CSMD1: variants seen among roughly 807,000 people sequenced by gnomAD.
CSMD1 encodes CUB and sushi domain-containing protein 1.
In CSMD1, 213 loss-of-function variants were observed where a neutral mutation model predicts 417.5. The ratio of observed to expected loss-of-function variants is 0.51; its 90% CI spans 0.46 to 0.57. The LOEUF is 0.57. CSMD1 is among the 20% of genes least tolerant of loss of function. CSMD1 has a pLI of 0.00. For missense variants in CSMD1, 6,923 were observed against 4,529.7 expected, an observed-to-expected ratio of 1.53 and a Z score of -15.17; for synonymous variants, 2,862 against 1,736.8, an observed-to-expected ratio of 1.65 and a Z score of -16.11.
At chr8:4,306,858 A>C (rs1399221212) in intron 3 of CSMD1, among the ~76,000 whole-genome samples, 2 of 151,344 alleles carry the variant, frequency 1.3e-5, no homozygotes, top group African/African-American at 2.4e-5. Context: ...ATAATTTTTC[A>C]ATCTCTTTTT....
At chr8:3,353,815 T>C (rs1808568319) in intron 21 of CSMD1, among the ~76,000 whole-genome samples, 1 of 152,204 alleles carries the variant, frequency 6.6e-6, no homozygotes, top group Non-Finnish European at 1.5e-5. Context: ...GCTACTGAAA[T>C]GTTAACTATA....
At chr8:3,725,021 T>C (rs1260487659) in intron 6 of CSMD1, among the ~76,000 whole-genome samples, 2 of 152,216 alleles carry the variant, frequency 1.3e-5, no homozygotes, top group Admixed American at 6.5e-5. Flanking sequence ...AACGTTATTC[T>C]GGGAAGAGGC....
At chr8:3,093,057 A>C (rs777628766) in intron 47 of CSMD1, among the ~76,000 whole-genome samples, 32 of 152,144 alleles carry the variant, frequency 2.1e-4, no homozygotes, top group Non-Finnish European at 4.0e-4. Flanking sequence ...TTCAAGTAAG[A>C]CTGTTATAGA....
intron 3 of CSMD1, among the ~76,000 whole-genome samples, chr8:4,412,866 G>C (rs1796725041): frequency 1.3e-5 from 2 of 152,068 alleles, no homozygotes; most frequent in South Asian, 4.1e-4. Flanking sequence ...CTCAAACAAG[G>C]AATTCAGAAC....
At chr8:3,556,244 GT>G (rs1230100939) in intron 10 of CSMD1, among the ~76,000 whole-genome samples, 1 of 151,306 alleles carries the variant, frequency 6.6e-6, no homozygotes, top group East Asian at 2.0e-4. Context: ...TCCTTTCCAT[GT>G]TTTTTGGTAC....
At chr8:4,131,214 C>G (rs913276050) in intron 3 of CSMD1, among the ~76,000 whole-genome samples, 1 of 152,164 alleles carries the variant, frequency 6.6e-6, no homozygotes, top group Non-Finnish European at 1.5e-5. Context: ...GACGCCATTT[C>G]TATAAGTATA....
chr8:4,454,972 G>T (rs779944226), intron 2 of CSMD1, among the ~76,000 whole-genome samples: 37 of 152,220 alleles, frequency 2.4e-4, no homozygotes, highest in Non-Finnish European at 4.3e-4. Context: ...CATGGACCTG[G>T]GATGGCAGAG....
intron 2 of CSMD1, among the ~76,000 whole-genome samples, chr8:4,457,267 C>T (rs1799545171): frequency 6.6e-6 from 1 of 152,098 alleles, no homozygotes; most frequent in African/African-American, 2.4e-5. Context: ...GTTTGCCCAT[C>T]TTACTTACAT....
chr8:4,834,288 G>A (rs529275650), intron 1 of CSMD1, among the ~76,000 whole-genome samples: 16 of 152,284 alleles, frequency 1.1e-4, no homozygotes, highest in Middle Eastern at 3.4e-3. Flanking sequence ...AATCATTTAT[G>A]TGCTACACGT....
At chr8:3,729,232 T>G (rs1309331358) in intron 6 of CSMD1, among the ~76,000 whole-genome samples, 1 of 152,174 alleles carries the variant, frequency 6.6e-6, no homozygotes, top group African/African-American at 2.4e-5. Flanking sequence ...AGGCACACTC[T>G]TCCCTGCCTT....
At chr8:4,940,814 G>A (rs141143379) in intron 1 of CSMD1, among the ~76,000 whole-genome samples, 20 of 152,294 alleles carry the variant, frequency 1.3e-4, no homozygotes, top group African/African-American at 3.4e-4. Flanking sequence ...TCTGTACCAT[G>A]TGTCAGCTTG....
At chr8:4,393,951 T>C (rs1223800415) in intron 3 of CSMD1, among the ~76,000 whole-genome samples, 1 of 152,228 alleles carries the variant, frequency 6.6e-6, no homozygotes, top group Non-Finnish European at 1.5e-5. Flanking sequence ...GTGTTTCAGG[T>C]ATTAACGCAG....
At chr8:4,392,985 CAAAA>C (rs1192700337) in intron 3 of CSMD1, among the ~76,000 whole-genome samples, 1 of 151,526 alleles carries the variant, frequency 6.6e-6, no homozygotes, top group African/African-American at 2.4e-5. Flanking sequence ...AAAAAACAAA[CAAAA>C]AAGAGAGATG....
chr8:4,130,116 A>T (rs1418090307), intron 3 of CSMD1, among the ~76,000 whole-genome samples: 1 of 152,108 alleles, frequency 6.6e-6, no homozygotes, highest in Non-Finnish European at 1.5e-5. Context: ...ATCACCATGG[A>T]GTCACTGTCA....
intron 3 of CSMD1, among the ~76,000 whole-genome samples, chr8:4,295,164 T>C (rs1434525712): frequency 1.4e-5 from 2 of 144,316 alleles, no homozygotes; most frequent in Admixed American, 7.0e-5. Context: ...GCACATATAA[T>C]CTTAAGATTA....
chr8:3,469,267 G>A (rs1230641174), intron 11 of CSMD1: 3 of 153,234 alleles, frequency 2.0e-5, no homozygotes, highest in Non-Finnish European at 2.9e-5. Context: ...ACAACAAATT[G>A]TATGGGTTCA....
chr8:3,907,804 GC>G (rs1334629034), intron 5 of CSMD1, among the ~76,000 whole-genome samples: 1 of 152,160 alleles, frequency 6.6e-6, no homozygotes, highest in Admixed American at 6.5e-5. Flanking sequence ...GTATCAAACA[GC>G]CCAAGATATC....
intron 5 of CSMD1, among the ~76,000 whole-genome samples, chr8:3,893,077 G>T (rs572331886): frequency 4.6e-5 from 7 of 151,878 alleles, no homozygotes; most frequent in Non-Finnish European, 1.0e-4. Context: ...CTGGAGAAAT[G>T]CTGGAATTAG....
chr8:4,491,754 G>A (rs925254973), intron 2 of CSMD1, among the ~76,000 whole-genome samples: 2 of 152,140 alleles, frequency 1.3e-5, no homozygotes, highest in Non-Finnish European at 2.9e-5. Flanking sequence ...CAACAGGAAG[G>A]CTCACTCACT....
Sources: allele counts gnomAD v4.1 joint callset (sites outside exome capture counted in the v4.1 genomes callset), GRCh38; gene constraint gnomAD v4.1.1; transcripts MANE v1.5; gene names NCBI Gene and HGNC (gene_info 2026-07-23, HGNC 2026-07-21).